The following IGFBP1 variants were observed in gnomAD, a reference collection of about 807,000 sequenced individuals.
IGFBP1 encodes the protein insulin-like growth factor-binding protein 1.
In IGFBP1, 31 loss-of-function variants were observed where a neutral mutation model predicts 23.1. The observed-to-expected ratio is 1.34, with a 90% CI of 1.01 to 1.81. IGFBP1 has a LOEUF of 1.81. Among genes scored for constraint, IGFBP1 ranks in the 40% most tolerant of loss-of-function variants. The probability of loss-of-function intolerance (pLI) is 0.00; values close to 1 mark genes in which losing one functional copy is unlikely to be tolerated. For missense variants in IGFBP1, 333 were observed against 342.2 expected (o/e 0.97, Z 0.21); for synonymous variants, 148 against 145.5 (o/e 1.02, Z -0.13).
Position 45,888,574 on chromosome 7 carries a change from A to ACTT in IGFBP1, c.-78_-76dup, listed in dbSNP as rs552227017. On this transcript the variant is annotated 5_prime_UTR_variant, in exon 1 of 4. Transcript: ENST00000275525. ...GAGCACTGGCCACCGCTCCACCATCACTTGCCCAGAGTTTGGGCCACCGCC... is the reference window on the plus strand; with the variant it reads ...GAGCACTGGCCACCGCTCCACCATCACTTCTTGCCCAGAGTTTGGGCCACCGCC... 3.9e-4 allele frequency: 488 copies of ACTT among 1,238,918 alleles called. 4 individuals carry two copies. In the South Asian group the frequency reaches 5.4e-3, roughly 14 times the overall value. The allele number at this position is 1,238,918 out of a possible 1,614,324, so 76.7% of individuals were successfully genotyped here. A position where few individuals can be genotyped will look rare whatever the true frequency, so the allele number is the denominator to read the frequency against.
chr7:45,892,279 C>T (rs369532793), intron 3 of IGFBP1, among the ~76,000 whole-genome samples: 50 of 152,334 alleles, frequency 3.3e-4, no homozygotes, highest in African/African-American at 9.6e-4. Flanking sequence ...GGAAAACCTG[C>T]GCTGGACCAG....
chr7:45,889,924 G>T (rs1471484812), intron 1 of IGFBP1, among the ~76,000 whole-genome samples: 1 of 152,146 alleles, frequency 6.6e-6, no homozygotes, highest in Non-Finnish European at 1.5e-5. Context: ...TTCCACAGGG[G>T]GTCCCTTATA....
In IGFBP1 at chr7:45,888,713, G is replaced by C. The variant is rs1334797638; in HGVS notation, c.61G>C (p.Gly21Arg). Reference protein sequence around the residue: ...LVLLLLTVQVGVTAGAPWQCA... With the variant: ...LVLLLLTVQVRVTAGAPWQCA... Reference sequence around the variant, plus strand: ...ACTGCTCCTGCTGACTGTCCAGGTCGGCGTGACAGCCGGCGCTCCGTGGCA... The same window carrying C: ...ACTGCTCCTGCTGACTGTCCAGGTCCGCGTGACAGCCGGCGCTCCGTGGCA... Residue 21 changes from glycine to arginine, a missense_variant, in exon 1 of 4, where the codon GGC becomes CGC. Coordinates refer to ENST00000275525, the MANE Select transcript of IGFBP1 (RefSeq NM_000596.4). 1.3e-6 allele frequency: 2 copies of C among 1,596,998 alleles called. No homozygotes were observed. The highest frequency in any genetic ancestry group is 2.2e-5 in the South Asian group (2 of 90,756).
intron 2 of IGFBP1, among the ~76,000 whole-genome samples, chr7:45,890,959 T>C (rs867803750): frequency 2.0e-5 from 3 of 152,208 alleles, no homozygotes; most frequent in Non-Finnish European, 2.9e-5. Flanking sequence ...GGTTACTTCA[T>C]GTCTCTGAGC....
chr7:45,890,447 T>C (rs1787060065), intron 1 of IGFBP1, 101 bp from the exon 2 acceptor site: 5 of 1,293,328 alleles, frequency 3.9e-6, no homozygotes. Context: ...GCCATCCTCA[T>C]GGCCCAGCCT....
Position 45,893,142 on chromosome 7 carries a change from A to T in IGFBP1, c.*51A>T. On this transcript the variant is annotated 3_prime_UTR_variant, in exon 4 of 4. Coordinates refer to ENST00000275525, the MANE Select transcript of IGFBP1 (RefSeq NM_000596.4). ...CGTGAAATATTTAAGTATATAGTAT[A>T]TTTATACTCTAGAACATGCACATTT... The T allele has an allele frequency of 7.7e-7, 1 of 1,293,762 alleles. No individual in the cohort carries two copies. The highest frequency in any genetic ancestry group is 1.1e-6 in the Non-Finnish European group (1 of 915,870). 80.1% of individuals were successfully genotyped at this position (1,293,762 alleles called of 1,614,324 possible). A position where few individuals can be genotyped will look rare whatever the true frequency, so the allele number is the denominator to read the frequency against.
In IGFBP1 at chr7:45,888,563, G is replaced by A; in HGVS notation, c.-90G>A. On this transcript the variant is annotated 5_prime_UTR_variant, in exon 1 of 4. Transcript: ENST00000275525. ...ACCCTCCCAGAGAGCACTGGCCACCGCTCCACCATCACTTGCCCAGAGTTT... is the reference window on the plus strand; with the variant it reads ...ACCCTCCCAGAGAGCACTGGCCACCACTCCACCATCACTTGCCCAGAGTTT... 8.8e-6 allele frequency: 10 copies of A among 1,140,288 alleles called. No individual in the cohort carries two copies. The highest frequency in any genetic ancestry group is 1.3e-5 in the Non-Finnish European group (10 of 792,436). 70.6% of individuals were successfully genotyped at this position (1,140,288 alleles called of 1,614,324 possible).
In IGFBP1 at chr7:45,888,562, C is replaced by G; in HGVS notation, c.-91C>G. 8.9e-7 allele frequency: 1 copy of G among 1,128,890 alleles called. No individual in the cohort carries two copies. Among genetic ancestry groups the G allele is most frequent in the South Asian group, 1.4e-5 (1 of 73,466 alleles). 69.9% of individuals were successfully genotyped at this position (1,128,890 alleles called of 1,614,324 possible). A position where few individuals can be genotyped will look rare whatever the true frequency, so the allele number is the denominator to read the frequency against. The stretch of plus-strand genomic sequence containing the variant: ...CACCCTCCCAGAGAGCACTGGCCAC[C>G]GCTCCACCATCACTTGCCCAGAGTT... On this transcript the variant is annotated 5_prime_UTR_variant, in exon 1 of 4. Transcript: ENST00000275525.
intron 3 of IGFBP1, 124 bp from the exon 4 acceptor site, chr7:45,892,836 C>A: frequency 1.2e-6 from 1 of 844,772 alleles, no homozygotes; most frequent in African/African-American, 1.7e-5. Context: ...CAGCTGGTTT[C>A]ACAGCCGGGA....
At position 45,893,019 on chromosome 7, in the gene IGFBP1, G is replaced by GA. The variant is rs774132945; in HGVS notation, c.710dup (p.Arg238GlufsTer19). ...GCTGGTGCGTCTACCCTTGGAATGG[G>GA]AAGAGGATCCCTGGGTCTCCAGAGA... is the stretch of plus-strand genomic sequence containing the variant. On this transcript the variant is annotated frameshift_variant, in exon 4 of 4. Coordinates refer to ENST00000275525, the MANE Select transcript of IGFBP1 (RefSeq NM_000596.4). LOFTEE classifies it low-confidence loss of function (END_TRUNC). 1 of 1,612,974 alleles carries GA rather than the reference G, an allele frequency of 6.2e-7. No individual in the cohort carries two copies. Among genetic ancestry groups the GA allele is most frequent in the Non-Finnish European group, 8.5e-7 (1 of 1,179,044 alleles).
chr7:45,888,944 A>T lies in IGFBP1; in HGVS notation c.292A>T (p.Thr98Ser). Residue 98 changes from threonine (T) to serine (S), a missense_variant, in exon 1 of 4, where the codon ACC becomes TCC. Coordinates refer to ENST00000275525, the MANE Select transcript of IGFBP1 (RefSeq NM_000596.4). ...PGEQQPLHAL[T>S]RGQGACVQES... ...GGAGCAGCAACCTCTGCACGCCCTC[A>T]CCCGCGGCCAAGGCGCCTGCGTGCA... 1.3e-6 allele frequency: 2 copies of T among 1,522,704 alleles called. No homozygotes were observed. The highest frequency in any genetic ancestry group is 1.7e-6 in the Non-Finnish European group (2 of 1,142,916). 94.3% of individuals were successfully genotyped at this position (1,522,704 alleles called of 1,614,324 possible).
chr7:45,889,938 C>T (rs1787053259), intron 1 of IGFBP1, among the ~76,000 whole-genome samples: 1 of 152,134 alleles, frequency 6.6e-6, no homozygotes, highest in African/African-American at 2.4e-5. Flanking sequence ...CCTTATAGGC[C>T]AGTGTGCTGA....
Position 45,890,088 on chromosome 7 carries a change from C to G in IGFBP1, c.350-460C>G, listed in dbSNP as rs1787055638. On this transcript the variant is annotated intron_variant, in intron 1 of 3. Coordinates refer to ENST00000275525, the MANE Select transcript of IGFBP1 (RefSeq NM_000596.4). The stretch of plus-strand genomic sequence containing the variant: ...AGGGTAGTAGTTTGGGTCAGGAGAG[C>G]TGCATTCTAGACTCCACTTCTAGAT... Among the ~76,000 whole-genome samples the G allele has an allele frequency of 2.0e-5, 3 of 152,164 alleles. No individual in the cohort carries two copies. In the South Asian group the frequency reaches 6.2e-4, roughly 32 times the overall value.
In IGFBP1 at chr7:45,892,979, G is replaced by C. The variant is rs201339143; in HGVS notation, c.668G>C (p.Gly223Ala). ...HSRQCETSMD[G>A]EAGLCWCVYP... is the part of the protein sequence containing the mutation. ...TTGCAGTGTGAGACATCCATGGATG[G>C]AGAGGCGGGACTCTGCTGGTGCGTC... Residue 223 changes from glycine to alanine, a missense_variant, in exon 4 of 4, where the codon GGA becomes GCA. Coordinates refer to ENST00000275525, the MANE Select transcript of IGFBP1 (RefSeq NM_000596.4). 4.3e-5 allele frequency: 69 copies of C among 1,612,316 alleles called. No homozygotes were observed. The highest frequency in any genetic ancestry group is 6.6e-5 in the South Asian group (6 of 90,942).
At position 45,888,896 on chromosome 7, in the gene IGFBP1, C is replaced by T; in HGVS notation, c.244C>T (p.Leu82Phe). ...GVATARCARG[L>F]SCRALPGEQQ... The stretch of plus-strand genomic sequence containing the variant: ...GGCGACTGCACGCTGCGCCCGGGGA[C>T]TCAGTTGCCGCGCGCTGCCGGGGGA... The change falls in exon 1 of 4, where the codon CTC (leucine) becomes TTC (phenylalanine). Residue 82 changes from leucine (L) to phenylalanine (F), a missense_variant. Leu to Phe is a conservative substitution (Grantham distance 22). Transcript: ENST00000275525. 3 of 1,501,404 alleles carry T rather than the reference C, an allele frequency of 2.0e-6. No individual in the cohort carries two copies. Among genetic ancestry groups the T allele is most frequent in the Non-Finnish European group, 2.6e-6 (3 of 1,136,128 alleles). The allele number at this position is 1,501,404 out of a possible 1,614,324, so 93.0% of individuals were successfully genotyped here. A position where few individuals can be genotyped will look rare whatever the true frequency, so the allele number is the denominator to read the frequency against.
Position 45,888,491 on chromosome 7 carries a change from G to C in IGFBP1, c.-162G>C. On this transcript the variant is annotated 5_prime_UTR_variant, in exon 1 of 4. Coordinates refer to ENST00000275525, the MANE Select transcript of IGFBP1 (RefSeq NM_000596.4). ...GTGCGCGCTGTGTCCAGCGAGCATCGGCCACCGCCATCCCATCCAGCGAGC... is the reference window on the plus strand; with the variant it reads ...GTGCGCGCTGTGTCCAGCGAGCATCCGCCACCGCCATCCCATCCAGCGAGC... The C allele has an allele frequency of 1.6e-6, 1 of 626,884 alleles. No homozygotes were observed. Among genetic ancestry groups the C allele is most frequent in the East Asian group, 2.9e-5 (1 of 34,028 alleles). 38.8% of individuals were successfully genotyped at this position (626,884 alleles called of 1,614,324 possible).
rs1787033227 is a variant in IGFBP1 at position 45,889,011 on chromosome 7, T to C, written c.349+10T>C. On this transcript the variant is annotated intron_variant, in intron 1 of 3. Transcript: ENST00000275525. ...GCTCCCCATGCTGCAGGTACCACAG[T>C]CCCGCCCCTGCTCCAGCACCTCCTG... 3 of 1,498,816 alleles carry C rather than the reference T, an allele frequency of 2.0e-6. No homozygotes were observed. The highest frequency in any genetic ancestry group is 2.7e-6 in the Non-Finnish European group (3 of 1,130,254). 92.8% of individuals were successfully genotyped at this position (1,498,816 alleles called of 1,614,324 possible). A position where few individuals can be genotyped will look rare whatever the true frequency, so the allele number is the denominator to read the frequency against.
rs1787113986 is a variant in IGFBP1 at position 45,893,176 on chromosome 7, A to T, written c.*85A>T. 7.7e-6 allele frequency: 5 copies of T among 645,578 alleles called. No individual in the cohort carries two copies. Among genetic ancestry groups the T allele is most frequent in the Non-Finnish European group, 1.2e-5 (5 of 431,956 alleles). The allele number at this position is 645,578 out of a possible 1,614,324, so 40.0% of individuals were successfully genotyped here. ...CTAGAACATGCACATTTATATATAT[A>T]TGTATATGTATATATATATAGTAAC... On this transcript the variant is annotated 3_prime_UTR_variant, in exon 4 of 4. Coordinates refer to ENST00000275525, the MANE Select transcript of IGFBP1 (RefSeq NM_000596.4).
In IGFBP1 at chr7:45,893,064, C is replaced by T. The variant is rs1398129590; in HGVS notation, c.753C>T (p.Cys251=). ...CAGAGATCAGGGGAGACCCCAACTG[C>T]CAGATATATTTTAATGTACAAAACT... ...GSPEIRGDPN[C]QIYFNVQN The change falls in exon 4 of 4, where the codon TGC becomes TGT. Residue 251 remains cysteine, a synonymous_variant. Transcript: ENST00000275525. 2.5e-6 allele frequency: 4 copies of T among 1,611,654 alleles called. No homozygotes were observed. In the Admixed American group the frequency reaches 6.7e-5, roughly 27 times the overall value.
Sources: gnomAD v4.1 joint callset for allele counts (sites outside exome capture counted in the v4.1 genomes callset) on GRCh38, gnomAD v4.1.1 for gene constraint, MANE v1.5 for transcripts, NCBI Gene and HGNC (gene_info 2026-07-23, HGNC 2026-07-21) for gene names.